Variants in CHN1 observed in about 807,000 individuals in gnomAD.
CHN1 encodes the protein chimerin 1.
Under a neutral mutation model 59.5 loss-of-function variants are expected in CHN1, and 37 were observed. The ratio of observed to expected loss-of-function variants is 0.62; its 90% confidence interval spans 0.48 to 0.82. The LOEUF is 0.82. Among genes scored for constraint, CHN1 ranks in the 40% least tolerant of loss-of-function variants. The pLI, the probability that CHN1 is intolerant of heterozygous loss-of-function variation, is 0.00. For missense variants in CHN1, 469 were observed against 571.0 expected (o/e 0.82, Z 1.82); for synonymous variants, 206 against 200.4 (o/e 1.03, Z -0.24).
At chr2:174,913,830 A>G (rs1688763538) in intron 5 of CHN1, among the ~76,000 whole-genome samples, 1 of 152,268 alleles carries the variant, frequency 6.6e-6, no homozygotes, top group Non-Finnish European at 1.5e-5. Flanking sequence ...AGTCCTAAAC[A>G]TTAACATCAA....
intron 5 of CHN1, among the ~76,000 whole-genome samples, chr2:174,904,927 T>C (rs1227780874): frequency 6.6e-6 from 1 of 152,180 alleles, no homozygotes; most frequent in Non-Finnish European, 1.5e-5. Context: ...ATTGAAGTCC[T>C]TGAGCCAGTC....
intron 5 of CHN1, among the ~76,000 whole-genome samples, chr2:174,885,965 T>C (rs1687881771): frequency 6.6e-6 from 1 of 152,244 alleles, no homozygotes; most frequent in South Asian, 2.1e-4. Flanking sequence ...AATCAACATG[T>C]TTGAATAATA....
At chr2:174,959,445 T>TG (rs1034775492) in intron 1 of CHN1, among the ~76,000 whole-genome samples, 1 of 152,114 alleles carries the variant, frequency 6.6e-6, no homozygotes, top group East Asian at 1.9e-4. Flanking sequence ...AGGGGAAAGT[T>TG]GAATGGCTTA....
intron 1 of CHN1, among the ~76,000 whole-genome samples, chr2:174,978,886 TGAAGA>T (rs946183873): frequency 1.3e-4 from 20 of 152,208 alleles, no homozygotes; most frequent in African/African-American, 4.8e-4. Flanking sequence ...CTTTAGTGAC[TGAAGA>T]GAAAACAAAT....
chr2:174,980,844 A>G (rs932732686), intron 1 of CHN1, among the ~76,000 whole-genome samples: 13 of 152,202 alleles, frequency 8.5e-5, no homozygotes, highest in Admixed American at 2.6e-4. Flanking sequence ...GTGACTTGTA[A>G]TCATGTAATT....
intron 11 of CHN1, among the ~76,000 whole-genome samples, chr2:174,804,105 C>T (rs1283553313): frequency 1.3e-5 from 2 of 152,140 alleles, no homozygotes; most frequent in African/African-American, 4.8e-5. Context: ...ATGGGAAAAA[C>T]AGCAGCATAA....
intron 1 of CHN1, among the ~76,000 whole-genome samples, chr2:174,975,564 C>T (rs1283073564): frequency 6.6e-6 from 1 of 151,750 alleles, no homozygotes; most frequent in Non-Finnish European, 1.5e-5. Flanking sequence ...ACCCTCTGTA[C>T]CTGGAAGAGC....
At position 174,958,345 on chromosome 2, in the gene CHN1, G is replaced by A. The variant is rs146525307; in HGVS notation, c.20-6143C>T. Among the ~76,000 whole-genome samples the A allele has an allele frequency of 6.4e-3, 979 of 152,316 alleles. 16 individuals are homozygous for A. The highest frequency in any genetic ancestry group is 0.022 in the African/African-American group (930 of 41,572). ...CATGAATGTAAGTAATGTTTAGTGA[G>A]TTCTGTTGAGTCCTTCTAGTGAATT... On this transcript the variant is annotated intron_variant, in intron 1 of 12. Coordinates refer to ENST00000409900, the MANE Select transcript of CHN1 (RefSeq NM_001822.7).
chr2:174,898,951 A>G (rs927537263), intron 5 of CHN1, among the ~76,000 whole-genome samples: 2 of 152,214 alleles, frequency 1.3e-5, no homozygotes, highest in Non-Finnish European at 2.9e-5. Flanking sequence ...TAGGAAAAAT[A>G]AAGAGTACAA....
intron 8 of CHN1, among the ~76,000 whole-genome samples, chr2:174,822,622 T>C (rs1215134471): frequency 6.6e-6 from 1 of 152,248 alleles, no homozygotes; most frequent in Non-Finnish European, 1.5e-5. Context: ...AAAGGCAAAC[T>C]GGGCTCATTG....
At chr2:174,912,409 A>T (rs1451769407) in intron 5 of CHN1, among the ~76,000 whole-genome samples, 2 of 152,220 alleles carry the variant, frequency 1.3e-5, no homozygotes, top group Non-Finnish European at 2.9e-5. Context: ...TAATGTGACC[A>T]GCTAATAAAG....
intron 7 of CHN1, among the ~76,000 whole-genome samples, chr2:174,843,466 T>G (rs570254988): frequency 7.4e-4 from 113 of 152,230 alleles, no homozygotes; most frequent in Non-Finnish European, 1.5e-3. Flanking sequence ...CTCAATCTCC[T>G]GACCTTTCGA....
rs182769920 is a variant in CHN1 at position 174,826,226 on chromosome 2, A to G, written c.628-1708T>C. Among the ~76,000 whole-genome samples the G allele has an allele frequency of 2.5e-3, 385 of 152,280 alleles. 1 individual carries two copies. Among genetic ancestry groups the G allele is most frequent in the African/African-American group, 8.9e-3 (368 of 41,546 alleles). On this transcript the variant is annotated intron_variant, in intron 7 of 12. Coordinates refer to ENST00000409900, the MANE Select transcript of CHN1 (RefSeq NM_001822.7). ...AATGATGTTCAGAGCCTGTAAACTC[A>G]AAGTATTTCCTGGAGTTGCTGAAGT...
At chr2:174,958,160 A>T (rs1472755431) in intron 1 of CHN1, among the ~76,000 whole-genome samples, 1 of 133,586 alleles carries the variant, frequency 7.5e-6, no homozygotes, top group Admixed American at 7.7e-5. Context: ...GGAAGGAAGG[A>T]CAGGAGGAGA....
At chr2:174,938,378 T>TA (rs78341443) in intron 3 of CHN1, among the ~76,000 whole-genome samples, 48,460 of 152,096 alleles carry the variant, frequency 0.32, 9,002 homozygotes, top group Admixed American at 0.45. Context: ...ACTTAGTTGT[T>TA]ATACAGATAT....
In CHN1 at chr2:175,005,224, G is replaced by A. The variant is rs1414942472; in HGVS notation, c.-312C>T. ...GAGGTACCTGCGAGGCAGGAGGCTTGGCCGCGGCGCAGTGGCTGGCGGAGA... is the reference window on the plus strand; with the variant it reads ...GAGGTACCTGCGAGGCAGGAGGCTTAGCCGCGGCGCAGTGGCTGGCGGAGA... On this transcript the variant is annotated 5_prime_UTR_variant, in exon 1 of 13. Coordinates refer to ENST00000409900, the MANE Select transcript of CHN1 (RefSeq NM_001822.7). The A allele has an allele frequency of 3.3e-6, 4 of 1,199,744 alleles. No homozygotes were observed. In the South Asian group the frequency reaches 6.6e-5, roughly 20 times the overall value. The allele number at this position is 1,199,744 out of a possible 1,614,324, so 74.3% of individuals were successfully genotyped here. A position where few individuals can be genotyped will look rare whatever the true frequency, so the allele number is the denominator to read the frequency against.
chr2:174,899,777 A>G (rs1688330688), intron 5 of CHN1, among the ~76,000 whole-genome samples: 2 of 152,238 alleles, frequency 1.3e-5, no homozygotes, highest in Admixed American at 1.3e-4. Flanking sequence ...GATGTTAAGA[A>G]TAATTCCCCA....
At chr2:174,910,899 C>CAA (rs10568066) in intron 5 of CHN1, among the ~76,000 whole-genome samples, 916 of 74,070 alleles carry the variant, frequency 0.012, 3 homozygotes, top group East Asian at 0.018. Flanking sequence ...GACTCCGTCT[C>CAA]AAAAAAAAAA....
At chr2:174,923,671 T>C (rs537429937) in intron 3 of CHN1, among the ~76,000 whole-genome samples, 8 of 152,314 alleles carry the variant, frequency 5.3e-5, no homozygotes, top group South Asian at 4.1e-4. Context: ...AGTAGTGAGA[T>C]TGGTGGCTGC....
Sources: allele counts gnomAD v4.1 joint callset (sites outside exome capture counted in the v4.1 genomes callset), GRCh38; gene constraint gnomAD v4.1.1; transcripts MANE v1.5; gene names NCBI Gene and HGNC (gene_info 2026-07-23, HGNC 2026-07-21).